The following ROBO2 variants were observed in gnomAD, a reference collection of about 807,000 sequenced individuals.
ROBO2 encodes roundabout guidance receptor 2, also known as roundabout homolog 2.
ROBO2 carries 53 observed loss-of-function variants against 160.8 expected under a neutral mutation model. The ratio of observed to expected loss-of-function variants is 0.33; its 90% CI spans 0.26 to 0.41. ROBO2 has a LOEUF of 0.41. ROBO2 is among the 10% of genes least tolerant of loss of function. The pLI, the probability that ROBO2 is intolerant of heterozygous loss-of-function variation, is 1.00. For synonymous variants in ROBO2, 664 were observed against 611.7 expected (o/e 1.09, Z -1.26); for missense variants, 1,577 against 1,722.4 (o/e 0.92, Z 1.49).
At chr3:77,228,797 G>C (rs1161929363) in intron 2 of ROBO2, among the ~76,000 whole-genome samples, 1 of 151,990 alleles carries the variant, frequency 6.6e-6, no homozygotes, top group African/African-American at 2.4e-5. Flanking sequence ...AAACACTAAA[G>C]TGAGTCAATA....
intron 2 of ROBO2, among the ~76,000 whole-genome samples, chr3:76,259,458 G>C (rs777417046): frequency 6.6e-6 from 1 of 152,022 alleles, no homozygotes; most frequent in Non-Finnish European, 1.5e-5. Context: ...TACTTATTTG[G>C]ATTTATCTGT....
intron 2 of ROBO2, among the ~76,000 whole-genome samples, chr3:76,659,542 A>C (rs373592926): frequency 1.3e-4 from 20 of 152,016 alleles, no homozygotes; most frequent in African/African-American, 4.8e-4. Context: ...TCTCTCAGCT[A>C]ATGGGCTGTG....
At chr3:76,773,697 T>G (rs2108524868) in intron 2 of ROBO2, among the ~76,000 whole-genome samples, 1 of 151,016 alleles carries the variant, frequency 6.6e-6, no homozygotes, top group Non-Finnish European at 1.5e-5. Context: ...AGAAAGAATC[T>G]TATATTCCTA....
intron 2 of ROBO2, among the ~76,000 whole-genome samples, chr3:77,429,592 T>C (rs1560809379): frequency 6.8e-6 from 1 of 146,812 alleles, no homozygotes; most frequent in Non-Finnish European, 1.5e-5. Context: ...CAGTTCAAAA[T>C]TGCTCATGTA....
chr3:76,135,653 T>G (rs1032897782), intron 2 of ROBO2, among the ~76,000 whole-genome samples: 1 of 152,050 alleles, frequency 6.6e-6, no homozygotes, highest in Non-Finnish European at 1.5e-5. Context: ...AGAAAACAGG[T>G]CTGTGATCCA....
chr3:76,065,535 G>A (rs535642027), intron 2 of ROBO2, among the ~76,000 whole-genome samples: 28 of 151,832 alleles, frequency 1.8e-4, no homozygotes, highest in African/African-American at 6.5e-4. Flanking sequence ...GTCTGTAAAA[G>A]CATCAGAAAC....
At chr3:75,913,587 G>A (rs565734809) in intron 1 of ROBO2, among the ~76,000 whole-genome samples, 5 of 152,128 alleles carry the variant, frequency 3.3e-5, no homozygotes, top group Non-Finnish European at 2.9e-5. Context: ...CCTTAGATTT[G>A]TCAAATCTAG....
At chr3:76,109,632 T>C (rs987270127) in intron 2 of ROBO2, among the ~76,000 whole-genome samples, 12 of 152,158 alleles carry the variant, frequency 7.9e-5, no homozygotes, top group African/African-American at 2.9e-4. Flanking sequence ...TGTTCCCATG[T>C]TTCTCTTGAG....
At chr3:76,960,492 A>C (rs547682839) in intron 2 of ROBO2, among the ~76,000 whole-genome samples, 1 of 152,236 alleles carries the variant, frequency 6.6e-6, no homozygotes, top group East Asian at 1.9e-4. Context: ...TAAATGCTTT[A>C]ATTTAAAATG....
At chr3:76,823,977 G>C (rs903181562) in intron 2 of ROBO2, among the ~76,000 whole-genome samples, 7 of 152,158 alleles carry the variant, frequency 4.6e-5, no homozygotes, top group Admixed American at 2.6e-4. Flanking sequence ...TTGTAAAACA[G>C]GTCGGAGGTG....
At chr3:77,379,598 G>C (rs763016759) in intron 2 of ROBO2, among the ~76,000 whole-genome samples, 1 of 152,072 alleles carries the variant, frequency 6.6e-6, no homozygotes, top group Non-Finnish European at 1.5e-5. Context: ...ATCTTTGTAC[G>C]TCGTTTGTTC....
At chr3:76,148,776 C>T (rs1032236855) in intron 2 of ROBO2, among the ~76,000 whole-genome samples, 1 of 152,092 alleles carries the variant, frequency 6.6e-6, no homozygotes, top group Non-Finnish European at 1.5e-5. Flanking sequence ...CTCCTATCTC[C>T]ATGGCTTTCC....
At chr3:77,463,404 G>A (rs2082437842) in intron 2 of ROBO2, among the ~76,000 whole-genome samples, 1 of 151,974 alleles carries the variant, frequency 6.6e-6, no homozygotes, top group Non-Finnish European at 1.5e-5. Context: ...ACATAAAATA[G>A]TACCTCTAAA....
chr3:76,677,885 T>G (rs1490989702), intron 2 of ROBO2, among the ~76,000 whole-genome samples: 1 of 151,536 alleles, frequency 6.6e-6, no homozygotes, highest in Non-Finnish European at 1.5e-5. Context: ...GACTTGCCTA[T>G]GATTGTTATA....
chr3:76,188,758 G>T (rs891346233), intron 2 of ROBO2, among the ~76,000 whole-genome samples: 2 of 152,038 alleles, frequency 1.3e-5, no homozygotes, highest in Non-Finnish European at 2.9e-5. Flanking sequence ...TGGTGATAGT[G>T]GTTTCCTTTT....
At chr3:76,460,755 T>C (rs181934413) in intron 2 of ROBO2, among the ~76,000 whole-genome samples, 5 of 152,330 alleles carry the variant, frequency 3.3e-5, no homozygotes, top group African/African-American at 1.2e-4. Flanking sequence ...TAATCCACTA[T>C]AGAGTTTCTG....
intron 2 of ROBO2, among the ~76,000 whole-genome samples, chr3:77,135,546 A>G (rs947631567): frequency 2.0e-5 from 3 of 151,780 alleles, no homozygotes; most frequent in African/African-American, 4.8e-5. Flanking sequence ...GATTACAGGC[A>G]TGTGCCACCA....
At chr3:76,325,690 C>A (rs2072955433) in intron 2 of ROBO2, among the ~76,000 whole-genome samples, 1 of 148,894 alleles carries the variant, frequency 6.7e-6, no homozygotes, top group Non-Finnish European at 1.5e-5. Flanking sequence ...AGAGACAGTG[C>A]AAAAAATAAG....
At chr3:76,300,026 CA>C (rs958749030) in intron 2 of ROBO2, among the ~76,000 whole-genome samples, 22 of 152,102 alleles carry the variant, frequency 1.4e-4, no homozygotes, top group African/African-American at 5.1e-4. Flanking sequence ...ACAAACTTCA[CA>C]GCTAAAAATA....
Sources: allele counts gnomAD v4.1 joint callset (sites outside exome capture counted in the v4.1 genomes callset), GRCh38; gene constraint gnomAD v4.1.1; transcripts MANE v1.5; gene names NCBI Gene and HGNC (gene_info 2026-07-23, HGNC 2026-07-21).